CNTNAP2: variants seen among roughly 807,000 people sequenced by gnomAD.
CNTNAP2 encodes the protein contactin-associated protein-like 2.
In CNTNAP2, 98 loss-of-function variants were observed where a neutral mutation model predicts 155.2. The ratio of observed to expected loss-of-function variants is 0.63; its 90% CI spans 0.54 to 0.75. The LOEUF (loss-of-function observed/expected upper bound fraction) is 0.75, where lower values mean the gene tolerates loss of function less well. CNTNAP2 is among the 30% of genes least tolerant of loss of function. The pLI, the probability that CNTNAP2 is intolerant of heterozygous loss-of-function variation, is 0.00. For synonymous variants in CNTNAP2, 651 were observed against 631.2 expected (o/e 1.03, Z -0.47); for missense variants, 1,727 against 1,688.1 (o/e 1.02, Z -0.40).
chr7:148,274,353 C>T (rs1376135384), intron 21 of CNTNAP2, among the ~76,000 whole-genome samples: 3 of 151,794 alleles, frequency 2.0e-5, no homozygotes, highest in Non-Finnish European at 4.4e-5. Flanking sequence ...GACTTAAGGG[C>T]AGACTTTGCT....
intron 8 of CNTNAP2, among the ~76,000 whole-genome samples, chr7:147,168,030 G>A (rs1479772812): frequency 6.8e-6 from 1 of 147,988 alleles, no homozygotes; most frequent in Non-Finnish European, 1.5e-5. Flanking sequence ...GTATATGTGT[G>A]TTTACATATG....
chr7:146,351,302 T>C (rs1004606947), intron 1 of CNTNAP2, among the ~76,000 whole-genome samples: 1 of 152,082 alleles, frequency 6.6e-6, no homozygotes, highest in African/African-American at 2.4e-5. Flanking sequence ...AAGAATTGGC[T>C]GATCAAATAA....
At chr7:147,216,653 A>G (rs1035611185) in intron 8 of CNTNAP2, among the ~76,000 whole-genome samples, 2 of 151,968 alleles carry the variant, frequency 1.3e-5, no homozygotes, top group African/African-American at 4.8e-5. Context: ...ACATTTTGTT[A>G]AATGTTCTGG....
intron 13 of CNTNAP2, among the ~76,000 whole-genome samples, chr7:147,785,744 C>A (rs1270824207): frequency 6.6e-6 from 1 of 152,234 alleles, no homozygotes; most frequent in African/African-American, 2.4e-5. Flanking sequence ...GTAATCCCAG[C>A]ACTTTGGGAG....
intron 1 of CNTNAP2, among the ~76,000 whole-genome samples, chr7:146,536,738 G>A (rs557308764): frequency 1.6e-4 from 25 of 152,146 alleles, no homozygotes; most frequent in South Asian, 1.4e-3. Context: ...CTCTAGTCAC[G>A]TTGCGTGAAG....
intron 1 of CNTNAP2, among the ~76,000 whole-genome samples, chr7:146,236,913 T>A (rs576481031): frequency 2.0e-5 from 3 of 152,246 alleles, no homozygotes; most frequent in Non-Finnish European, 4.4e-5. Context: ...AGGGTTAGAT[T>A]TTTCATGTTT....
chr7:148,325,119 G>T (rs1267588835), intron 21 of CNTNAP2, among the ~76,000 whole-genome samples: 1 of 152,168 alleles, frequency 6.6e-6, no homozygotes, highest in Non-Finnish European at 1.5e-5. Flanking sequence ...TCTCAAGCAA[G>T]GCCATTCTTG....
intron 3 of CNTNAP2, among the ~76,000 whole-genome samples, chr7:146,855,977 G>T (rs185341182): frequency 3.4e-4 from 52 of 151,242 alleles, no homozygotes; most frequent in African/African-American, 1.3e-3. Context: ...TCATCTAAAA[G>T]AAATCAGATC....
chr7:147,307,325 C>G lies in CNTNAP2; in HGVS notation c.1498+7035C>G, dbSNP rs1395383766. On this transcript the variant is annotated intron_variant, in intron 9 of 23. Transcript: ENST00000361727. ...TCAGGCCAGGCATGGTGGCTCAAGC[C>G]TGTAATCCCAGCACTTTGGGAGGCC... is the stretch of plus-strand genomic sequence containing the variant. Among the ~76,000 whole-genome samples the G allele has an allele frequency of 1.3e-5, 2 of 152,154 alleles. 1 individual carries two copies. Among genetic ancestry groups the G allele is most frequent in the African/African-American group, 4.8e-5 (2 of 41,424 alleles).
intron 1 of CNTNAP2, among the ~76,000 whole-genome samples, chr7:146,641,200 GC>G: frequency 6.6e-6 from 1 of 152,122 alleles, no homozygotes; most frequent in East Asian, 1.9e-4. Context: ...GGTGGCGGGG[GC>G]CTGTAGTCCC....
At chr7:146,647,519 A>G (rs1799835137) in intron 1 of CNTNAP2, among the ~76,000 whole-genome samples, 1 of 152,156 alleles carries the variant, frequency 6.6e-6, no homozygotes, top group African/African-American at 2.4e-5. Context: ...ATCTTATAAA[A>G]CATTAATTGT....
chr7:146,753,558 C>T (rs538347437), intron 1 of CNTNAP2, among the ~76,000 whole-genome samples: 2 of 152,004 alleles, frequency 1.3e-5, no homozygotes, highest in South Asian at 2.1e-4. Context: ...ATATTCTATA[C>T]TCAATTGTAT....
Position 146,774,262 on chromosome 7 carries a change from T to C in CNTNAP2, c.98-9T>C. The C allele has an allele frequency of 1.2e-6, 2 of 1,609,370 alleles. No homozygotes were observed. The highest frequency in any genetic ancestry group is 1.7e-6 in the Non-Finnish European group (2 of 1,176,248). ...AGTGTCTCTCTCCCTCTCTGTCTTT[T>C]GTTTTCAGAAAAATGTGATGAGCCA... On this transcript the variant is annotated splice_polypyrimidine_tract_variant and intron_variant, in intron 1 of 23. Coordinates refer to ENST00000361727, the MANE Select transcript of CNTNAP2 (RefSeq NM_014141.6).
chr7:147,630,591 C>A (rs781403038), intron 12 of CNTNAP2, among the ~76,000 whole-genome samples: 8 of 152,134 alleles, frequency 5.3e-5, no homozygotes, highest in Non-Finnish European at 1.0e-4. Flanking sequence ...ACTAGCTAAC[C>A]AAATTCAACA....
At chr7:146,252,477 A>G (rs1404549173) in intron 1 of CNTNAP2, among the ~76,000 whole-genome samples, 3 of 152,130 alleles carry the variant, frequency 2.0e-5, no homozygotes, top group Non-Finnish European at 4.4e-5. Flanking sequence ...CTCCCTGCTG[A>G]AAACCACTTC....
chr7:147,193,362 G>C (rs1309417389), intron 8 of CNTNAP2, among the ~76,000 whole-genome samples: 4 of 152,156 alleles, frequency 2.6e-5, no homozygotes, highest in African/African-American at 9.7e-5. Flanking sequence ...AAACCTTCTG[G>C]GAAGTTGTTG....
At chr7:146,171,021 C>T (rs527420628) in intron 1 of CNTNAP2, among the ~76,000 whole-genome samples, 5 of 149,936 alleles carry the variant, frequency 3.3e-5, no homozygotes, top group East Asian at 3.9e-4. Flanking sequence ...AGCGAGACTC[C>T]GTCTAAAAAT....
intron 1 of CNTNAP2, among the ~76,000 whole-genome samples, chr7:146,668,998 A>G (rs1800249949): frequency 6.6e-6 from 1 of 152,128 alleles, no homozygotes; most frequent in Non-Finnish European, 1.5e-5. Context: ...TTTCATGTGT[A>G]CCTGAAAGTA....
intron 1 of CNTNAP2, among the ~76,000 whole-genome samples, chr7:146,250,183 T>G (rs1467657071): frequency 2.0e-5 from 3 of 152,178 alleles, no homozygotes; most frequent in African/African-American, 7.2e-5. Context: ...CAGCAGCTAT[T>G]AAAAGAGAGA....
Sources: allele counts gnomAD v4.1 joint callset (sites outside exome capture counted in the v4.1 genomes callset), GRCh38; gene constraint gnomAD v4.1.1; transcripts MANE v1.5; gene names NCBI Gene and HGNC (gene_info 2026-07-23, HGNC 2026-07-21).